ZDHHC5: variants seen among roughly 807,000 people sequenced by gnomAD.
The protein encoded by ZDHHC5 is palmitoyltransferase ZDHHC5.
In ZDHHC5, 22 loss-of-function variants were observed where a neutral mutation model predicts 70.0. That is an observed-to-expected ratio of 0.31 (90% confidence interval 0.22 to 0.45). The LOEUF is 0.45. Ranked by LOEUF, ZDHHC5 falls within the 20% of genes least tolerant of loss-of-function variation. The pLI is 1.00. For synonymous variants in ZDHHC5, 313 were observed against 347.8 expected, an observed-to-expected ratio of 0.90 and a Z score of 1.11; for missense variants, 746 against 926.9, an observed-to-expected ratio of 0.80 and a Z score of 2.53.
chr11:57,688,629 A>G lies in ZDHHC5; in HGVS notation c.348A>G (p.Arg116=). ...CCTGCCGCTTTTACCGTCCCCCTCG[A>G]TGTTCCCACTGCAGTGTCTGTGACA... ...CATCRFYRPP[R]CSHCSVCDNC... Residue 116 remains arginine, a synonymous_variant, in exon 4 of 12, where the codon CGA becomes CGG. Transcript: ENST00000287169. 1 of 1,610,596 alleles carries G rather than the reference A, an allele frequency of 6.2e-7. No homozygotes were observed. The highest frequency in any genetic ancestry group is 1.1e-5 in the South Asian group (1 of 90,170).
Position 57,698,840 on chromosome 11 carries a change from A to G in ZDHHC5, c.1404A>G (p.Leu468=), listed in dbSNP as rs777151417. ...SLANQTRNGS[L]SYDSLLTPSD... ...CCAACCAGACACGCAATGGAAGCCT[A>G]TCTTATGACAGCTTGCTCACACCTT... Residue 468 remains leucine, a synonymous_variant, in exon 11 of 12, where the codon CTA becomes CTG. Coordinates refer to ENST00000287169, the MANE Select transcript of ZDHHC5 (RefSeq NM_015457.3). The G allele has an allele frequency of 2.5e-6, 4 of 1,614,194 alleles. No homozygotes were observed. The highest frequency in any genetic ancestry group is 1.1e-5 in the South Asian group (1 of 91,080).
intron 3 of ZDHHC5, 26 bp downstream of exon 3, chr11:57,682,569 C>A: frequency 6.2e-7 from 1 of 1,610,080 alleles, no homozygotes; most frequent in South Asian, 1.1e-5. Context: ...CTCTTAGAAG[C>A]ACCTTACACT....
chr11:57,696,210 G>C (rs1946349854), intron 9 of ZDHHC5, among the ~76,000 whole-genome samples, 167 bp downstream of exon 9: 2 of 152,138 alleles, frequency 1.3e-5, no homozygotes, highest in South Asian at 4.1e-4. Flanking sequence ...GAGAAGAGAG[G>C]CCATTTAGCT....
In ZDHHC5 at chr11:57,692,592, A is replaced by AT. The variant is rs749327506; in HGVS notation, c.661-11dup. 6.8e-6 allele frequency: 11 copies of AT among 1,609,916 alleles called. No homozygotes were observed. The highest frequency in any genetic ancestry group is 3.3e-4 in the Middle Eastern group (2 of 6,072). On this transcript the variant is annotated intron_variant, in intron 6 of 11. Transcript: ENST00000287169. ...TCAAGGTCTCATCTTCTAACCTGGT[A>AT]TTTTTTTTCTCCCTCTAGGTTACGG...
chr11:57,693,953 A>AG, intron 8 of ZDHHC5, 38 bp downstream of exon 8: 1 of 1,575,952 alleles, frequency 6.3e-7, no homozygotes, highest in Non-Finnish European at 8.6e-7. Context: ...ATAACATGGA[A>AG]GTCTCACCCA....
chr11:57,671,347 GC>G (rs1422918598), intron 1 of ZDHHC5, among the ~76,000 whole-genome samples: 2 of 152,156 alleles, frequency 1.3e-5, no homozygotes, highest in Non-Finnish European at 2.9e-5. Flanking sequence ...GGCAGGTGGG[GC>G]TCAGTTACCT....
At chr11:57,684,063 C>A in intron 3 of ZDHHC5, among the ~76,000 whole-genome samples, 1 of 136,248 alleles carries the variant, frequency 7.3e-6, no homozygotes, top group African/African-American at 2.6e-5. Flanking sequence ...CCTTGACCCC[C>A]CCCTGGCTCA....
In ZDHHC5 at chr11:57,699,281, G is replaced by T. The variant is rs1401799413; in HGVS notation, c.1845G>T (p.Arg615Ser). The T allele has an allele frequency of 2.5e-6, 4 of 1,614,252 alleles. No individual in the cohort carries two copies. Among genetic ancestry groups the T allele is most frequent in the Non-Finnish European group, 3.4e-6 (4 of 1,180,042 alleles). ...VPRFGKPDGLRGRGVGSPEPG... is the reference protein window; with the variant it reads ...VPRFGKPDGLSGRGVGSPEPG... ...GTTTTGGCAAGCCAGATGGGCTAAGGGGCCGGGGAGTAGGGTCCCCTGAAC... is the reference window on the plus strand; with the variant it reads ...GTTTTGGCAAGCCAGATGGGCTAAGTGGCCGGGGAGTAGGGTCCCCTGAAC... Residue 615 changes from arginine (R) to serine (S), a missense_variant, in exon 11 of 12, where the codon AGG (arginine) becomes AGT (serine). Arg to Ser is a moderately radical substitution (Grantham distance 110). Around this residue, in one of 6 missense-constraint regions of ZDHHC5, gnomAD observed 340 missense variants for 350.1 expected, o/e 0.97. Transcript: ENST00000287169.
Position 57,695,766 on chromosome 11 carries a change from A to G in ZDHHC5, c.886-154A>G, listed in dbSNP as rs1056908643. Among the ~76,000 whole-genome samples, 3 of 150,460 alleles carry G rather than the reference A, an allele frequency of 2.0e-5. No homozygotes were observed. In the Admixed American group the frequency reaches 2.0e-4, roughly 10 times the overall value. Reference sequence around the variant, plus strand: ...ATGATCATGCGTACCACTGTACTCCAGCCTGGTCAACAGAGTGAGACCTTG... The same window carrying G: ...ATGATCATGCGTACCACTGTACTCCGGCCTGGTCAACAGAGTGAGACCTTG... On this transcript the variant is annotated intron_variant, in intron 8 of 11. Transcript: ENST00000287169.
intron 1 of ZDHHC5, among the ~76,000 whole-genome samples, chr11:57,669,149 A>T (rs1227838223): frequency 6.6e-6 from 1 of 152,160 alleles, no homozygotes; most frequent in African/African-American, 2.4e-5. Flanking sequence ...GTATTTTGCT[A>T]CCTCGGTATA....
At chr11:57,694,081 T>C (rs545644308) in intron 8 of ZDHHC5, among the ~76,000 whole-genome samples, 166 bp downstream of exon 8, 2 of 150,014 alleles carry the variant, frequency 1.3e-5, no homozygotes, top group East Asian at 4.0e-4. Flanking sequence ...AAACTCTGCC[T>C]CCCAGGTTCA....
chr11:57,698,727 A>C lies in ZDHHC5; in HGVS notation c.1291A>C (p.Lys431Gln). Residue 431 changes from lysine to glutamine, a missense_variant, in exon 11 of 12, where the codon AAG becomes CAG. Lys to Gln is a moderately conservative substitution (Grantham distance 53). Around this residue, in one of 6 missense-constraint regions of ZDHHC5, gnomAD observed 6 missense variants for 21.6 expected, o/e 0.28. Transcript: ENST00000287169. ...CAGTGGCTCACGCTCCTCCAGCCTC[A>C]AGTCAGCCCAGGGCACAGGCTTTGA... ...LSSGSRSSSL[K>Q]SAQGTGFELG... 6.2e-7 allele frequency: 1 copy of C among 1,614,166 alleles called. No individual in the cohort carries two copies. The highest frequency in any genetic ancestry group is 8.5e-7 in the Non-Finnish European group (1 of 1,180,038).
chr11:57,690,150 C>T lies in ZDHHC5; in HGVS notation c.504C>T (p.Leu168=), dbSNP rs1306080379. The T allele has an allele frequency of 1.2e-6, 2 of 1,613,944 alleles. No homozygotes were observed. The highest frequency in any genetic ancestry group is 2.2e-5 in the South Asian group (2 of 91,064). The change falls in exon 5 of 12, where the codon CTC becomes CTT. Residue 168 remains leucine (L), a synonymous_variant. Coordinates refer to ENST00000287169, the MANE Select transcript of ZDHHC5 (RefSeq NM_015457.3). ...AHIMGVFGFG[L]LYVLYHIEEL... ...TTATGGGTGTGTTTGGCTTTGGCCT[C>T]CTTTATGTCCTCTACCACATAGAGG...
intron 8 of ZDHHC5, 123 bp from the exon 9 acceptor site, chr11:57,695,797 A>G: frequency 1.5e-6 from 1 of 687,534 alleles, no homozygotes; most frequent in Non-Finnish European, 1.9e-6. Context: ...CCTTGTCTCA[A>G]AAAAAAAAAA....
rs754995088 is a variant in ZDHHC5 at position 57,673,137 on chromosome 11, C to T, written c.47C>T (p.Pro16Leu). Residue 16 changes from proline to leucine, a missense_variant, in exon 2 of 12, where the codon CCG becomes CTG. Coordinates refer to ENST00000287169, the MANE Select transcript of ZDHHC5 (RefSeq NM_015457.3). Reference sequence around the variant, plus strand: ...AGATTCAAACCCAGCAAGTATGTCCCGGTCTCTGCAGCCGCCATCTTCCTA... The same window carrying T: ...AGATTCAAACCCAGCAAGTATGTCCTGGTCTCTGCAGCCGCCATCTTCCTA... ...GKRFKPSKYV[P>L]VSAAAIFLVG... is the part of the protein sequence containing the mutation. 1.2e-5 allele frequency: 20 copies of T among 1,613,896 alleles called. No homozygotes were observed. The highest frequency in any genetic ancestry group is 3.4e-6 in the Non-Finnish European group (4 of 1,179,956).
chr11:57,692,178 G>A lies in ZDHHC5; in HGVS notation c.661-433G>A, dbSNP rs551443240. On this transcript the variant is annotated intron_variant, in intron 6 of 11. Coordinates refer to ENST00000287169, the MANE Select transcript of ZDHHC5 (RefSeq NM_015457.3). ...ATTGCAGGTGCCTGACACCATGCCC[G>A]GCTAGTTTTTATATATTTTTATAGT... 5.9e-5 allele frequency among the ~76,000 whole-genome samples: 9 copies of A among 152,098 alleles called. No homozygotes were observed. The South Asian group carries it at 1.2e-3, about 21-fold the overall frequency.
chr11:57,696,692 G>A (rs1946355774), intron 9 of ZDHHC5, 69 bp from the exon 10 acceptor site: 1 of 1,394,472 alleles, frequency 7.2e-7, no homozygotes, highest in Non-Finnish European at 1.0e-6. Flanking sequence ...GGACAGTAGA[G>A]TGAGACCCTG....
At chr11:57,699,495 G>T in intron 11 of ZDHHC5, 77 bp downstream of exon 11, 1 of 1,506,256 alleles carries the variant, frequency 6.6e-7, no homozygotes, top group Non-Finnish European at 8.8e-7. Flanking sequence ...CAGGGCTTCT[G>T]TTGTACATCC....
At position 57,700,491 on chromosome 11, in the gene ZDHHC5, A is replaced by G. The variant is rs1199440262; in HGVS notation, c.*460A>G. On this transcript the variant is annotated 3_prime_UTR_variant, in exon 12 of 12. Transcript: ENST00000287169. Reference sequence around the variant, plus strand: ...GGATGGGAAAATGAGGGAGGGATACATATACGGAGGGGGATCTTACTCTTC... The same window carrying G: ...GGATGGGAAAATGAGGGAGGGATACGTATACGGAGGGGGATCTTACTCTTC... The G allele has an allele frequency of 6.6e-6, 1 of 151,910 alleles. No homozygotes were observed. Among genetic ancestry groups the G allele is most frequent in the African/African-American group, 2.4e-5 (1 of 41,298 alleles). The allele number at this position is 151,910 out of a possible 1,614,324, so 9.4% of individuals were successfully genotyped here.
Sources: allele counts gnomAD v4.1 joint callset (sites outside exome capture counted in the v4.1 genomes callset), GRCh38; gene constraint gnomAD v4.1.1; regional missense constraint gnomAD v4.1.1; transcripts MANE v1.5; gene names NCBI Gene and HGNC (gene_info 2026-07-23, HGNC 2026-07-21).